The following NALF1 variants were observed in gnomAD, a reference collection of about 807,000 sequenced individuals.
NALF1 encodes NALCN channel auxiliary factor 1, also known as family with sequence similarity 155 member A.
NALF1 carries 3 observed loss-of-function variants against 48.4 expected under a neutral mutation model. The observed-to-expected ratio is 0.06, with a 90% CI of 0.03 to 0.16. The LOEUF is 0.16. Ranked by LOEUF, NALF1 falls within the 10% of genes least tolerant of loss-of-function variation. NALF1 has a pLI of 1.00. For missense variants in NALF1, 526 were observed against 571.5 expected (o/e 0.92, Z 0.81); for synonymous variants, 262 against 245.7 (o/e 1.07, Z -0.62).
intron 1 of NALF1, among the ~76,000 whole-genome samples, chr13:107,709,173 G>C (rs1357883616): frequency 6.6e-6 from 1 of 152,132 alleles, no homozygotes; most frequent in Non-Finnish European, 1.5e-5. Context: ...GTAGTGTAGA[G>C]TCCATAAATA....
chr13:107,215,536 G>A (rs538786132), intron 1 of NALF1, among the ~76,000 whole-genome samples: 2 of 152,002 alleles, frequency 1.3e-5, no homozygotes, highest in Non-Finnish European at 2.9e-5. Context: ...TGGTTATAAC[G>A]GCACAGCCTC....
chr13:107,584,988 A>G (rs1878412953), intron 1 of NALF1, among the ~76,000 whole-genome samples: 1 of 152,194 alleles, frequency 6.6e-6, no homozygotes, highest in South Asian at 2.1e-4. Context: ...TCTAAAAGGC[A>G]CAGAAAGATA....
intron 1 of NALF1, among the ~76,000 whole-genome samples, chr13:107,484,840 T>C (rs1885303426): frequency 6.6e-6 from 1 of 152,094 alleles, no homozygotes; most frequent in South Asian, 2.1e-4. Flanking sequence ...CAGGAACATA[T>C]AAGCAGGGAA....
intron 1 of NALF1, among the ~76,000 whole-genome samples, chr13:107,701,473 AAATAGAG>A (rs1399468323): frequency 6.6e-6 from 1 of 152,128 alleles, no homozygotes; most frequent in Non-Finnish European, 1.5e-5. Context: ...AAATATACAG[AAATAGAG>A]AATAAACTGT....
intron 2 of NALF1, among the ~76,000 whole-genome samples, chr13:107,185,838 C>A (rs1267123734): frequency 6.6e-6 from 1 of 152,104 alleles, no homozygotes; most frequent in East Asian, 1.9e-4. Flanking sequence ...TCAGGTTATA[C>A]CTTCAACACT....
chr13:107,862,758 G>C (rs767616664), intron 1 of NALF1, among the ~76,000 whole-genome samples: 21 of 151,402 alleles, frequency 1.4e-4, no homozygotes, highest in Non-Finnish European at 2.8e-4. Flanking sequence ...CTGAATAATT[G>C]GTCAAAAAGC....
At chr13:107,803,363 A>G (rs1047559324) in intron 1 of NALF1, among the ~76,000 whole-genome samples, 7 of 152,188 alleles carry the variant, frequency 4.6e-5, no homozygotes, top group Non-Finnish European at 8.8e-5. Context: ...GTTGGTTTCT[A>G]GAAAATATTA....
At chr13:107,446,853 G>C (rs1469144251) in intron 1 of NALF1, among the ~76,000 whole-genome samples, 2 of 152,188 alleles carry the variant, frequency 1.3e-5, no homozygotes, top group East Asian at 3.8e-4. Flanking sequence ...TTGTGCTGAA[G>C]CATTAATGCT....
chr13:107,706,133 A>G (rs973677091), intron 1 of NALF1, among the ~76,000 whole-genome samples: 1 of 152,206 alleles, frequency 6.6e-6, no homozygotes, highest in Non-Finnish European at 1.5e-5. Context: ...ATAGCCTGCT[A>G]AAGTGCAGGG....
intron 1 of NALF1, among the ~76,000 whole-genome samples, chr13:107,848,648 T>C (rs1880232506): frequency 6.6e-6 from 1 of 152,188 alleles, no homozygotes; most frequent in African/African-American, 2.4e-5. Flanking sequence ...TCCCTAAGCA[T>C]CCTCTGTGTC....
At chr13:107,414,414 T>C (rs1348051875) in intron 1 of NALF1, among the ~76,000 whole-genome samples, 1 of 151,246 alleles carries the variant, frequency 6.6e-6, no homozygotes, top group South Asian at 2.1e-4. Flanking sequence ...ATTCTTATAG[T>C]TTTCAAATGG....
intron 1 of NALF1, among the ~76,000 whole-genome samples, chr13:107,449,942 T>A (rs1201183472): frequency 6.6e-6 from 1 of 152,162 alleles, no homozygotes; most frequent in Non-Finnish European, 1.5e-5. Context: ...GAACACACTC[T>A]CATTTGCTAG....
At position 107,576,821 on chromosome 13, in the gene NALF1, A is replaced by G. The variant is rs1165696585; in HGVS notation, c.915+288861T>C. 3.3e-5 allele frequency among the ~76,000 whole-genome samples: 5 copies of G among 152,164 alleles called. No individual in the cohort carries two copies. The East Asian group carries it at 9.6e-4, about 29-fold the overall frequency. On this transcript the variant is annotated intron_variant, in intron 1 of 2. Coordinates refer to ENST00000375915, the MANE Select transcript of NALF1 (RefSeq NM_001080396.3). ...GTTTGGAAAAACAAAAGTGTAGAAA[A>G]TAAATATTTCGTAGTCTCAGTGTAG...
chr13:107,330,932 T>G (rs1882457100), intron 1 of NALF1, among the ~76,000 whole-genome samples: 1 of 152,208 alleles, frequency 6.6e-6, no homozygotes, highest in Non-Finnish European at 1.5e-5. Context: ...ATTTATCTTT[T>G]CTCTACTTAT....
chr13:107,385,740 C>T (rs1181774603), intron 1 of NALF1, among the ~76,000 whole-genome samples: 1 of 152,014 alleles, frequency 6.6e-6, no homozygotes, highest in African/African-American at 2.4e-5. Context: ...CTGTATATGC[C>T]AATTCTTTAA....
chr13:107,792,725 T>C (rs994498728), intron 1 of NALF1, among the ~76,000 whole-genome samples: 1 of 152,230 alleles, frequency 6.6e-6, no homozygotes, highest in African/African-American at 2.4e-5. Context: ...ACAGTCACAC[T>C]AACTAAAGGC....
intron 1 of NALF1, among the ~76,000 whole-genome samples, chr13:107,633,766 T>C (rs1366818491): frequency 6.8e-6 from 1 of 147,812 alleles, no homozygotes; most frequent in African/African-American, 2.5e-5. Flanking sequence ...GGAAAATATA[T>C]ATATTTATAT....
chr13:107,370,047 T>C (rs150504447), intron 1 of NALF1, among the ~76,000 whole-genome samples: 7 of 152,352 alleles, frequency 4.6e-5, no homozygotes, highest in Admixed American at 4.6e-4. Flanking sequence ...AATGCCATTC[T>C]TCCGAATCAT....
chr13:107,787,356 G>A (rs1020161069), intron 1 of NALF1, among the ~76,000 whole-genome samples: 2 of 152,136 alleles, frequency 1.3e-5, no homozygotes, highest in African/African-American at 4.8e-5. Context: ...TATATGGTAA[G>A]AATGTCTATG....
Sources: allele counts gnomAD v4.1 joint callset (sites outside exome capture counted in the v4.1 genomes callset), GRCh38; gene constraint gnomAD v4.1.1; transcripts MANE v1.5; gene names NCBI Gene and HGNC (gene_info 2026-07-23, HGNC 2026-07-21).